IQSEC1: variants seen among roughly 807,000 people sequenced by gnomAD.
IQSEC1 encodes IQ motif and Sec7 domain ArfGEF 1.
A neutral mutation model predicts 91.0 loss-of-function variants in IQSEC1; 31 were observed. The observed-to-expected ratio is 0.34, with a 90% CI of 0.26 to 0.46. The LOEUF is 0.46. Among genes scored for constraint, IQSEC1 ranks in the 20% least tolerant of loss-of-function variants. The pLI is 1.00. For missense variants in IQSEC1, 1,388 were observed against 1,575.6 expected, an observed-to-expected ratio of 0.88 and a Z score of 2.02; for synonymous variants, 699 against 662.6, an observed-to-expected ratio of 1.05 and a Z score of -0.84.
At chr3:13,252,446 G>T (rs1695210581) in intron 1 of IQSEC1, among the ~76,000 whole-genome samples, 1 of 152,200 alleles carries the variant, frequency 6.6e-6, no homozygotes, top group Non-Finnish European at 1.5e-5. Flanking sequence ...TTTATCTGTG[G>T]TTAGACACTG....
chr3:13,001,452 A>G (rs1253093730), intron 1 of IQSEC1, among the ~76,000 whole-genome samples: 4 of 152,194 alleles, frequency 2.6e-5, no homozygotes, highest in Non-Finnish European at 5.9e-5. Flanking sequence ...AAGCTCCATC[A>G]GGCCCCACCT....
At chr3:13,203,164 T>TACACACACAC (rs10533324) in intron 1 of IQSEC1, among the ~76,000 whole-genome samples, 4 of 148,120 alleles carry the variant, frequency 2.7e-5, no homozygotes, top group African/African-American at 7.4e-5. Context: ...TTACCACTAC[T>TACACACACAC]ACACACACAC....
intron 2 of IQSEC1, among the ~76,000 whole-genome samples, chr3:13,125,366 T>G (rs1438918804): frequency 6.6e-6 from 1 of 152,162 alleles, no homozygotes; most frequent in Admixed American, 6.5e-5. Context: ...CTCCAGCTGC[T>G]CTCTGTCATT....
At chr3:13,111,608 C>A (rs1706245632) in intron 2 of IQSEC1, among the ~76,000 whole-genome samples, 1 of 152,150 alleles carries the variant, frequency 6.6e-6, no homozygotes, top group South Asian at 2.1e-4. Flanking sequence ...AAGCCCTAAC[C>A]CCCAATGTGA....
intron 2 of IQSEC1, among the ~76,000 whole-genome samples, chr3:13,112,046 G>C (rs1266368859): frequency 2.0e-5 from 3 of 152,082 alleles, no homozygotes; most frequent in Admixed American, 1.3e-4. Context: ...GCACTTGCCC[G>C]CTTTGCACAC....
At chr3:13,218,949 T>C (rs1444855007) in intron 1 of IQSEC1, among the ~76,000 whole-genome samples, 1 of 152,142 alleles carries the variant, frequency 6.6e-6, no homozygotes, top group African/African-American at 2.4e-5. Flanking sequence ...TTCCCTCACC[T>C]ACTCAATGCC....
chr3:12,958,894 C>G (rs1278362181), intron 1 of IQSEC1, among the ~76,000 whole-genome samples: 2 of 152,180 alleles, frequency 1.3e-5, no homozygotes, highest in Admixed American at 6.5e-5. Context: ...TGTGGGGTGG[C>G]ACAGCACCGG....
At chr3:13,188,440 T>C (rs1268990513) in intron 1 of IQSEC1, among the ~76,000 whole-genome samples, 4 of 152,222 alleles carry the variant, frequency 2.6e-5, no homozygotes, top group Non-Finnish European at 4.4e-5. Flanking sequence ...GGCACTGTTG[T>C]ATGAACTTTT....
rs142142347 is a variant in IQSEC1, at chr3:12,978,619, C to T, written c.24-36754G>A. On this transcript the variant is annotated intron_variant, in intron 1 of 13. Coordinates refer to ENST00000613206, the MANE Select transcript of IQSEC1 (RefSeq NM_001134382.3). ...ACTCGGGAGGCTGAGGCAGGAGAAT[C>T]ACTTGAACCCTGGAGGTGGAGGTTG... Among the ~76,000 whole-genome samples the T allele has an allele frequency of 2.9e-4, 44 of 151,996 alleles. No homozygotes were observed. In the East Asian group the frequency reaches 7.0e-3, roughly 24 times the overall value.
chr3:13,075,048 C>G (rs1705541559), upstream of IQSEC1, among the ~76,000 whole-genome samples: 1 of 152,184 alleles, frequency 6.6e-6, no homozygotes, highest in South Asian at 2.1e-4. Flanking sequence ...TCTGCCCTCT[C>G]CAGGTGAATC....
intron 1 of IQSEC1, among the ~76,000 whole-genome samples, chr3:13,279,620 C>G (rs1370896465): frequency 5.9e-5 from 9 of 152,224 alleles, no homozygotes; most frequent in Admixed American, 5.2e-4. Context: ...CATCCAACCC[C>G]CCTCGAGTCA....
intron 1 of IQSEC1, among the ~76,000 whole-genome samples, chr3:13,179,624 G>A (rs779992265): frequency 3.3e-5 from 5 of 152,258 alleles, no homozygotes; most frequent in South Asian, 2.1e-4. Context: ...CGCTCTCGGC[G>A]CCTCCTCTGC....
rs3773309 is a variant in IQSEC1 at position 12,900,829 on chromosome 3, T to C, written c.*154A>G. 210,510 of 1,508,256 alleles carry C rather than the reference T, an allele frequency of 0.14. 15,733 individuals are homozygous for C. Among genetic ancestry groups the C allele is most frequent in the South Asian group, 0.22 (17,368 of 78,888 alleles). 93.4% of individuals were successfully genotyped at this position (1,508,256 alleles called of 1,614,324 possible). A position where few individuals can be genotyped will look rare whatever the true frequency, so the allele number is the denominator to read the frequency against. Reference sequence around the variant, plus strand: ...CCTTTGTTCCACACAACACCAGCCCTGTGGGCTCCTGGGGCTCCGGTTGGG... The same window carrying C: ...CCTTTGTTCCACACAACACCAGCCCCGTGGGCTCCTGGGGCTCCGGTTGGG... On this transcript the variant is annotated 3_prime_UTR_variant, in exon 14 of 14. Coordinates refer to ENST00000613206, the MANE Select transcript of IQSEC1 (RefSeq NM_001134382.3).
chr3:13,022,477 AG>A (rs1166760479), intron 1 of IQSEC1: 97 of 1,000,522 alleles, frequency 9.7e-5, no homozygotes, highest in Non-Finnish European at 1.3e-5. Flanking sequence ...TGAGTCACTC[AG>A]GGCGGGATGG....
chr3:13,049,984 CA>C (rs1431351215), intron 1 of IQSEC1, among the ~76,000 whole-genome samples: 1 of 152,142 alleles, frequency 6.6e-6, no homozygotes, highest in African/African-American at 2.4e-5. Context: ...TGCTGTGGCC[CA>C]GTGCTGAACC....
chr3:13,088,313 T>A (rs557128525), intron 2 of IQSEC1, among the ~76,000 whole-genome samples: 1 of 152,212 alleles, frequency 6.6e-6, no homozygotes, highest in Non-Finnish European at 1.5e-5. Flanking sequence ...ACCTGCATGC[T>A]GACGACGCCC....
intron 2 of IQSEC1, among the ~76,000 whole-genome samples, chr3:13,150,106 T>A (rs983440841): frequency 6.6e-5 from 10 of 152,174 alleles, no homozygotes; most frequent in African/African-American, 2.4e-4. Flanking sequence ...CAGCCCTGAA[T>A]GATGAGACAC....
chr3:13,176,249 G>C (rs192619367), intron 1 of IQSEC1, among the ~76,000 whole-genome samples: 140 of 152,268 alleles, frequency 9.2e-4, no homozygotes, highest in African/African-American at 3.2e-3. Context: ...CCCTGAACTT[G>C]CCTCAACCTC....
intron 2 of IQSEC1, among the ~76,000 whole-genome samples, chr3:13,080,852 G>T (rs1705637142): frequency 6.6e-6 from 1 of 152,196 alleles, no homozygotes; most frequent in Non-Finnish European, 1.5e-5. Flanking sequence ...CCGGGGATCT[G>T]AGCTAATACA....
Sources: gnomAD v4.1 joint callset for allele counts (sites outside exome capture counted in the v4.1 genomes callset) on GRCh38, gnomAD v4.1.1 for gene constraint, MANE v1.5 for transcripts, NCBI Gene and HGNC (gene_info 2026-07-23, HGNC 2026-07-21) for gene names.